Variants in ACVR1B observed in about 807,000 individuals in gnomAD.
ACVR1B encodes the protein activin receptor type-1B.
In ACVR1B, 15 loss-of-function variants were observed where a neutral mutation model predicts 55.6. The ratio of observed to expected loss-of-function variants is 0.27; its 90% CI spans 0.18 to 0.42. The LOEUF (loss-of-function observed/expected upper bound fraction) is 0.42. ACVR1B is among the 10% of genes least tolerant of loss of function. ACVR1B has a pLI of 1.00. For synonymous variants in ACVR1B, 247 were observed against 254.6 expected (o/e 0.97, Z 0.28); for missense variants, 359 against 670.1 (o/e 0.54, Z 5.13).
At chr12:51,970,077 G>A (rs912822846) in intron 1 of ACVR1B, among the ~76,000 whole-genome samples, 1 of 152,200 alleles carries the variant, frequency 6.6e-6, no homozygotes, top group African/African-American at 2.4e-5. Flanking sequence ...GGAAGACATG[G>A]TGTGGCTCTT....
At chr12:51,961,142 C>G (rs1941514306) in intron 1 of ACVR1B, among the ~76,000 whole-genome samples, 1 of 152,170 alleles carries the variant, frequency 6.6e-6, no homozygotes, top group Non-Finnish European at 1.5e-5. Flanking sequence ...TCTGCTTTTC[C>G]CCTCAGCCTG....
chr12:51,962,000 A>G (rs555867154), intron 1 of ACVR1B, among the ~76,000 whole-genome samples: 3 of 152,310 alleles, frequency 2.0e-5, no homozygotes, highest in Admixed American at 1.3e-4. Flanking sequence ...TTAAGTTGCA[A>G]TGACAGGTCT....
intron 8 of ACVR1B, among the ~76,000 whole-genome samples, chr12:51,993,095 G>A (rs1385517530): frequency 3.3e-5 from 5 of 152,206 alleles, no homozygotes; most frequent in African/African-American, 1.2e-4. Context: ...TACCACACAA[G>A]TTAGTGAACA....
intron 1 of ACVR1B, among the ~76,000 whole-genome samples, chr12:51,962,202 C>G (rs899880694): frequency 2.6e-5 from 4 of 152,122 alleles, no homozygotes; most frequent in African/African-American, 9.7e-5. Flanking sequence ...CTTATGCAAA[C>G]CCCATTCCAA....
At chr12:51,986,201 A>G (rs1354407230) in intron 6 of ACVR1B, among the ~76,000 whole-genome samples, 1 of 152,196 alleles carries the variant, frequency 6.6e-6, no homozygotes, top group Non-Finnish European at 1.5e-5. Context: ...CCTGTGACCC[A>G]CATTACAAGT....
Position 51,995,472 on chromosome 12 carries a change from G to A in ACVR1B, c.*1362G>A, listed in dbSNP as rs1942281993. The A allele has an allele frequency of 6.6e-6, 1 of 152,576 alleles. No homozygotes were observed. The highest frequency in any genetic ancestry group is 1.5e-5 in the Non-Finnish European group (1 of 68,026). The allele number at this position is 152,576 out of a possible 1,614,324, so 9.5% of individuals were successfully genotyped here. A position where few individuals can be genotyped will look rare whatever the true frequency, so the allele number is the denominator to read the frequency against. Reference sequence around the variant, plus strand: ...TGAGTATAGTATTTAACGAAGCCTAGAAGCACGGCTGTGGGTGGTGATTTG... The same window carrying A: ...TGAGTATAGTATTTAACGAAGCCTAAAAGCACGGCTGTGGGTGGTGATTTG... On this transcript the variant is annotated 3_prime_UTR_variant, in exon 9 of 9. Transcript: ENST00000257963.
rs78098951 is a variant in ACVR1B, at chr12:51,989,294, T to A, written c.1261+2352T>A. On this transcript the variant is annotated intron_variant, in intron 7 of 8. Coordinates refer to ENST00000257963, the MANE Select transcript of ACVR1B (RefSeq NM_004302.5). ...GAAAAATTAATTGGCTTTTTATTTTTATTTTTTTGAGAGAGGGTTTCTCTT... is the reference window on the plus strand; with the variant it reads ...GAAAAATTAATTGGCTTTTTATTTTAATTTTTTTGAGAGAGGGTTTCTCTT... 2.6e-3 allele frequency among the ~76,000 whole-genome samples: 392 copies of A among 152,324 alleles called. 1 individual carries two copies. Among genetic ancestry groups the A allele is most frequent in the African/African-American group, 8.9e-3 (372 of 41,576 alleles).
At position 51,976,320 on chromosome 12, in the gene ACVR1B, G is replaced by C; in HGVS notation, c.332-7G>C. 6.2e-7 allele frequency: 1 copy of C among 1,613,874 alleles called. No homozygotes were observed. ...ATTCTTTCCCTCTCCTCTCTCACTTGACTCAGGTCACCTCAAGGAGCCTGA... is the reference window on the plus strand; with the variant it reads ...ATTCTTTCCCTCTCCTCTCTCACTTCACTCAGGTCACCTCAAGGAGCCTGA... On this transcript the variant is annotated splice_polypyrimidine_tract_variant and splice_region_variant and intron_variant, in intron 2 of 8. Transcript: ENST00000257963.
In ACVR1B at chr12:51,991,975, C is replaced by T. The variant is rs1942201893; in HGVS notation, c.1374C>T (p.Asn458=). The change falls in exon 8 of 9, where the codon AAC becomes AAT. Residue 458 remains asparagine, a synonymous_variant. Transcript: ENST00000257963. ...CDQKLRPNIP[N]WWQSYEALRV... is the part of the protein sequence containing the mutation. ...AGAAGCTGCGTCCCAACATCCCCAA[C>T]TGGTGGCAGAGTTATGAGGTAAGAA... 6.2e-7 allele frequency: 1 copy of T among 1,614,130 alleles called. No individual in the cohort carries two copies. The highest frequency in any genetic ancestry group is 8.5e-7 in the Non-Finnish European group (1 of 1,180,054).
chr12:51,968,900 T>C (rs1335680216), intron 1 of ACVR1B, among the ~76,000 whole-genome samples: 1 of 152,208 alleles, frequency 6.6e-6, no homozygotes, highest in African/African-American at 2.4e-5. Flanking sequence ...CAGTCAGATA[T>C]ATATGAAAAT....
chr12:51,962,696 C>G (rs1941558674), intron 1 of ACVR1B, among the ~76,000 whole-genome samples: 1 of 152,120 alleles, frequency 6.6e-6, no homozygotes, highest in Non-Finnish European at 1.5e-5. Flanking sequence ...TAACCTGATT[C>G]AGATTTTCAT....
intron 3 of ACVR1B, among the ~76,000 whole-genome samples, chr12:51,980,030 C>G (rs957678779): frequency 1.3e-5 from 2 of 152,112 alleles, no homozygotes; most frequent in African/African-American, 4.8e-5. Flanking sequence ...TAGAGTCAGA[C>G]AGTCCTAGAT....
At chr12:51,961,378 A>T (rs1383438334) in intron 1 of ACVR1B, among the ~76,000 whole-genome samples, 1 of 152,192 alleles carries the variant, frequency 6.6e-6, no homozygotes, top group African/African-American at 2.4e-5. Flanking sequence ...CTCTAATGTT[A>T]TTATAATCTT....
intron 4 of ACVR1B, among the ~76,000 whole-genome samples, chr12:51,982,391 A>G (rs1941996561): frequency 6.6e-6 from 1 of 152,156 alleles, no homozygotes; most frequent in African/African-American, 2.4e-5. Context: ...CATTAATTCT[A>G]TAACATTTAT....
rs1942284826 is a variant in ACVR1B at position 51,995,617 on chromosome 12, A to G, written c.*1507A>G. On this transcript the variant is annotated 3_prime_UTR_variant, in exon 9 of 9. Transcript: ENST00000257963. ...TTTTAACTTTTTTTAATGTTGTTAA[A>G]TATTAAGTTTTTGTAAAAGGAAAAC... is the stretch of plus-strand genomic sequence containing the variant. The G allele has an allele frequency of 1.3e-5, 2 of 152,294 alleles. No homozygotes were observed. The highest frequency in any genetic ancestry group is 4.8e-5 in the African/African-American group (2 of 41,328). 9.4% of individuals were successfully genotyped at this position (152,294 alleles called of 1,614,324 possible).
At position 51,951,768 on chromosome 12, in the gene ACVR1B, T is replaced by C. The variant is rs1941300054; in HGVS notation, c.25T>C (p.Ser9Pro). The C allele has an allele frequency of 3.1e-6, 4 of 1,291,100 alleles. No individual in the cohort carries two copies. In the Admixed American group the frequency reaches 1.3e-4, roughly 41 times the overall value. 80.0% of individuals were successfully genotyped at this position (1,291,100 alleles called of 1,614,324 possible). A position where few individuals can be genotyped will look rare whatever the true frequency, so the allele number is the denominator to read the frequency against. Residue 9 changes from serine to proline, a missense_variant, in exon 1 of 9, where the codon TCC becomes CCC. Physicochemically the swap from Ser to Pro is moderately conservative, Grantham distance 74. Coordinates refer to ENST00000257963, the MANE Select transcript of ACVR1B (RefSeq NM_004302.5). MAESAGAS[S>P]FFPLVVLLLA... is the part of the protein sequence containing the mutation. Reference sequence around the variant, plus strand: ...TATGGCGGAGTCGGCCGGAGCCTCCTCCTTCTTCCCCCTTGTTGTCCTCCT... The same window carrying C: ...TATGGCGGAGTCGGCCGGAGCCTCCCCCTTCTTCCCCCTTGTTGTCCTCCT...
intron 7 of ACVR1B, among the ~76,000 whole-genome samples, chr12:51,990,312 C>CGTTTTTTT: frequency 1.1e-5 from 1 of 89,588 alleles, no homozygotes; most frequent in Non-Finnish European, 2.0e-5. Flanking sequence ...AAATTTAGTG[C>CGTTTTTTT]TTTTTTTTTT....
At chr12:51,987,149 T>A in intron 7 of ACVR1B, 1 of 740,948 alleles carries the variant, frequency 1.3e-6, no homozygotes, top group South Asian at 1.5e-5. Context: ...TGAATAGCGT[T>A]GTGTGTTATG....
chr12:51,983,915 T>A, intron 4 of ACVR1B, 84 bp from the exon 5 acceptor site: 1 of 1,418,410 alleles, frequency 7.1e-7, no homozygotes, highest in Non-Finnish European at 9.8e-7. Flanking sequence ...CCTGATTTTG[T>A]GTTGTATACA....
Sources: gnomAD v4.1 joint callset for allele counts (sites outside exome capture counted in the v4.1 genomes callset) on GRCh38, gnomAD v4.1.1 for gene constraint, MANE v1.5 for transcripts, NCBI Gene and HGNC (gene_info 2026-07-23, HGNC 2026-07-21) for gene names.